ZBTB44: variants seen among roughly 807,000 people sequenced by gnomAD.
ZBTB44 encodes zinc finger and BTB domain-containing protein 44.
A neutral mutation model predicts 54.0 loss-of-function variants in ZBTB44; 15 were observed. The observed-to-expected ratio is 0.28, with a 90% CI of 0.19 to 0.43. The LOEUF (loss-of-function observed/expected upper bound fraction) is 0.43, where lower values mean the gene tolerates loss of function less well. ZBTB44 is among the 20% of genes least tolerant of loss of function. The probability of loss-of-function intolerance (pLI) is 1.00; values close to 1 mark genes in which losing one functional copy is unlikely to be tolerated. For missense variants in ZBTB44, 487 were observed against 707.1 expected, an observed-to-expected ratio of 0.69 and a Z score of 3.53; for synonymous variants, 230 against 250.1, an observed-to-expected ratio of 0.92 and a Z score of 0.76.
In ZBTB44 at chr11:130,226,840, A is replaced by ATT. The variant is rs67217609; in HGVS notation, c.*4922_*4923dup. ...CCATGTAATAAAGGCCAGTTTAAAG[A>ATT]TTTTTTTTTTAAAAAAAGTTTAAAC... On this transcript the variant is annotated 3_prime_UTR_variant, in exon 8 of 8. Coordinates refer to ENST00000357899, the MANE Select transcript of ZBTB44 (RefSeq NM_001301098.2). The ATT allele has an allele frequency of 1.3e-5, 2 of 150,918 alleles. No homozygotes were observed. Among genetic ancestry groups the ATT allele is most frequent in the Admixed American group, 1.3e-4 (2 of 15,134 alleles). 9.3% of individuals were successfully genotyped at this position (150,918 alleles called of 1,614,324 possible). A position where few individuals can be genotyped will look rare whatever the true frequency, so the allele number is the denominator to read the frequency against.
chr11:130,283,205 G>C (rs1940667716), intron 1 of ZBTB44, among the ~76,000 whole-genome samples: 1 of 151,734 alleles, frequency 6.6e-6, no homozygotes, highest in South Asian at 2.1e-4. Context: ...GGACTCACCT[G>C]GCTAATTTTT....
intron 1 of ZBTB44, among the ~76,000 whole-genome samples, chr11:130,289,039 A>G (rs1174679741): frequency 6.6e-6 from 1 of 152,216 alleles, no homozygotes; most frequent in African/African-American, 2.4e-5. Context: ...GATTCTACCA[A>G]ATCTGCATAG....
chr11:130,255,173 T>C (rs760481628), intron 2 of ZBTB44, among the ~76,000 whole-genome samples: 8 of 152,120 alleles, frequency 5.3e-5, no homozygotes, highest in Non-Finnish European at 1.0e-4. Flanking sequence ...TGTATACATA[T>C]GTAACAAATC....
chr11:130,281,809 G>A (rs1182214528), intron 1 of ZBTB44, among the ~76,000 whole-genome samples: 6 of 148,912 alleles, frequency 4.0e-5, no homozygotes, highest in Non-Finnish European at 8.9e-5. Flanking sequence ...GTTTCGCCGT[G>A]TTAGCCAGGA....
At chr11:130,235,349 G>A (rs1441357830) in intron 5 of ZBTB44, among the ~76,000 whole-genome samples, 2 of 152,160 alleles carry the variant, frequency 1.3e-5, no homozygotes, top group Non-Finnish European at 2.9e-5. Context: ...CACTATTTTA[G>A]TCCTGAACAA....
Position 130,260,183 on chromosome 11 carries a change from TAC to T in ZBTB44, c.1018+671_1018+672del, listed in dbSNP as rs1310276092. Among the ~76,000 whole-genome samples the T allele has an allele frequency of 6.6e-5, 10 of 152,342 alleles. No homozygotes were observed. The East Asian group carries it at 1.7e-3, about 26-fold the overall frequency. On this transcript the variant is annotated intron_variant, in intron 2 of 7. Transcript: ENST00000357899. ...TTTTGTCTGATCTCCCACTATTCCC[TAC>T]AGTTTCAGGCATCTGTACTTACTTA...
chr11:130,292,180 A>C (rs1941342221), intron 1 of ZBTB44, among the ~76,000 whole-genome samples: 1 of 152,212 alleles, frequency 6.6e-6, no homozygotes, highest in Non-Finnish European at 1.5e-5. Flanking sequence ...GATAGACTTG[A>C]GTTGTTTGCA....
intron 1 of ZBTB44, among the ~76,000 whole-genome samples, chr11:130,306,459 G>A (rs534221791): frequency 9.5e-4 from 143 of 151,214 alleles, no homozygotes; most frequent in African/African-American, 3.2e-3. Flanking sequence ...CCGAGATTGC[G>A]CCACTGCACT....
intron 1 of ZBTB44, among the ~76,000 whole-genome samples, chr11:130,297,780 T>C (rs1363660242): frequency 6.6e-6 from 1 of 152,186 alleles, no homozygotes; most frequent in Non-Finnish European, 1.5e-5. Flanking sequence ...GAGACAAAAA[T>C]TTCTGTTAAC....
chr11:130,237,470 C>T (rs113023783), intron 4 of ZBTB44, among the ~76,000 whole-genome samples: 20 of 152,232 alleles, frequency 1.3e-4, no homozygotes, highest in African/African-American at 3.9e-4. Context: ...TTACATTGAA[C>T]GGATATGAAA....
Position 130,284,377 on chromosome 11 carries a change from T to G in ZBTB44, c.-56-22448A>C, listed in dbSNP as rs139156088. On this transcript the variant is annotated intron_variant, in intron 1 of 7. Transcript: ENST00000357899. ...TAATCACAAACACTTTGGTAATGTA[T>G]AATTACCACAACTGTTCATGGTACC... is the stretch of plus-strand genomic sequence containing the variant. Among the ~76,000 whole-genome samples, 133 of 152,334 alleles carry G rather than the reference T, an allele frequency of 8.7e-4. 4 individuals are homozygous for G. In the East Asian group the frequency reaches 0.02, roughly 23 times the overall value.
chr11:130,231,941 T>C (rs1953891860), intron 7 of ZBTB44: 1 of 152,070 alleles, frequency 6.6e-6, no homozygotes, highest in African/African-American at 2.4e-5. Context: ...GCATAAATGG[T>C]GGGAGCCTAT....
chr11:130,276,322 A>G (rs1248745410), intron 1 of ZBTB44, among the ~76,000 whole-genome samples: 5 of 151,882 alleles, frequency 3.3e-5, no homozygotes, highest in Admixed American at 3.3e-4. Context: ...GCACTTGAGA[A>G]GAACATATAC....
chr11:130,272,757 G>C (rs1030247115), intron 1 of ZBTB44, among the ~76,000 whole-genome samples: 6 of 149,210 alleles, frequency 4.0e-5, no homozygotes, highest in African/African-American at 1.5e-4. Context: ...TTTTGTATAT[G>C]GTCCCACCTC....
At chr11:130,311,696 G>A (rs1942616754) in intron 1 of ZBTB44, among the ~76,000 whole-genome samples, 2 of 152,160 alleles carry the variant, frequency 1.3e-5, no homozygotes. Context: ...TACTGCAGCA[G>A]CAACGAATAT....
At chr11:130,248,656 CA>C (rs1453094381) in intron 2 of ZBTB44, among the ~76,000 whole-genome samples, 18 of 151,808 alleles carry the variant, frequency 1.2e-4, no homozygotes, top group Admixed American at 1.2e-3. Flanking sequence ...ACCACAAAAA[CA>C]AAACAAAAAA....
At chr11:130,259,171 G>A (rs372644994) in intron 2 of ZBTB44, among the ~76,000 whole-genome samples, 2 of 152,272 alleles carry the variant, frequency 1.3e-5, no homozygotes, top group East Asian at 1.9e-4. Context: ...TAGATTCAGT[G>A]CTATCCCCAT....
intron 1 of ZBTB44, among the ~76,000 whole-genome samples, chr11:130,279,336 G>T (rs1485990011): frequency 1.3e-5 from 2 of 151,210 alleles, no homozygotes; most frequent in African/African-American, 4.9e-5. Flanking sequence ...AAAGCCCTGG[G>T]TTTATATTCT....
At chr11:130,287,069 A>G (rs999487590) in intron 1 of ZBTB44, among the ~76,000 whole-genome samples, 1 of 152,250 alleles carries the variant, frequency 6.6e-6, no homozygotes, top group Admixed American at 6.5e-5. Flanking sequence ...GCCATCTTGC[A>G]AATTCAATGT....
Sources: allele counts gnomAD v4.1 joint callset (sites outside exome capture counted in the v4.1 genomes callset), GRCh38; gene constraint gnomAD v4.1.1; transcripts MANE v1.5; gene names NCBI Gene and HGNC (gene_info 2026-07-23, HGNC 2026-07-21).